The following XRN2 variants were observed in gnomAD, a reference collection of about 807,000 sequenced individuals.
The protein encoded by XRN2 is 5'-3' exoribonuclease 2.
XRN2 carries 44 observed loss-of-function variants against 138.5 expected under a neutral mutation model. The observed-to-expected ratio is 0.32, with a 90% confidence interval of 0.25 to 0.41. The LOEUF is 0.41. XRN2 is among the 10% of genes least tolerant of loss of function. The pLI is 1.00. For synonymous variants in XRN2, 354 were observed against 369.4 expected, an observed-to-expected ratio of 0.96 and a Z score of 0.48; for missense variants, 937 against 1,169.3, an observed-to-expected ratio of 0.80 and a Z score of 2.90.
At chr20:21,320,291 T>TATTTATTTATG in intron 1 of XRN2, among the ~76,000 whole-genome samples, 2 of 30,888 alleles carry the variant, frequency 6.5e-5, no homozygotes, top group Non-Finnish European at 1.7e-4. Context: ...ATTTATTTAT[T>TATTTATTTATG]TATGTATTTA....
At chr20:21,377,257 G>GTTTTTTTTTTTTTTTTTTTTTTTTTTTTT (rs1166479171) in intron 27 of XRN2, among the ~76,000 whole-genome samples, 1 of 30,312 alleles carries the variant, frequency 3.3e-5, no homozygotes, top group African/African-American at 1.9e-4. Context: ...TGATTTGTCG[G>GTTTTTTTTTTTTTTTTTTTTTTTTTTTTT]TTTTTTCTTT....
intron 27 of XRN2, among the ~76,000 whole-genome samples, chr20:21,372,516 C>T (rs1459149726): frequency 6.6e-6 from 1 of 152,022 alleles, no homozygotes; most frequent in African/African-American, 2.4e-5. Flanking sequence ...AACTACAGTA[C>T]ATGTTAATTG....
At position 21,343,884 on chromosome 20, in the gene XRN2, A is replaced by G. The variant is rs181210558; in HGVS notation, c.1411-206A>G. On this transcript the variant is annotated intron_variant, in intron 15 of 29. Transcript: ENST00000377191. ...TTAATTGTTTTTAGTTTAAGCATAGAAAGTTTGGGTATTACATTACTTCTT... is the reference window on the plus strand; with the variant it reads ...TTAATTGTTTTTAGTTTAAGCATAGGAAGTTTGGGTATTACATTACTTCTT... 7.4e-4 allele frequency among the ~76,000 whole-genome samples: 113 copies of G among 152,042 alleles called. 1 individual carries two copies. The highest frequency in any genetic ancestry group is 2.4e-3 in the African/African-American group (100 of 41,492).
intron 1 of XRN2, among the ~76,000 whole-genome samples, chr20:21,310,467 T>C (rs759235885): frequency 1.2e-4 from 19 of 152,240 alleles, no homozygotes; most frequent in Non-Finnish European, 2.4e-4. Flanking sequence ...TGGTTGTGTA[T>C]TTTGAAGCTC....
At chr20:21,379,214 G>A (rs777588547) in intron 27 of XRN2, among the ~76,000 whole-genome samples, 57 of 152,224 alleles carry the variant, frequency 3.7e-4, no homozygotes, top group Middle Eastern at 6.8e-3. Flanking sequence ...TTCCACTCTC[G>A]CCTGTACCTT....
Position 21,333,074 on chromosome 20 carries a change from A to T in XRN2, c.859-470A>T, listed in dbSNP as rs116586476. ...AAGACATCGTTAAGTGAAAAAAGAG[A>T]TAAATATAGTGTATTATTTCAGATA... is the stretch of plus-strand genomic sequence containing the variant. On this transcript the variant is annotated intron_variant, in intron 9 of 29. Coordinates refer to ENST00000377191, the MANE Select transcript of XRN2 (RefSeq NM_012255.5). 5.3e-3 allele frequency among the ~76,000 whole-genome samples: 809 copies of T among 152,300 alleles called. 8 individuals carry two copies. The highest frequency in any genetic ancestry group is 0.019 in the African/African-American group (778 of 41,560).
In XRN2 at chr20:21,377,264, C is replaced by CTTTTTTTTTTTTTTTTTTTTT. The variant is rs761622310; in HGVS notation, c.2585-4716_2585-4715insTTTTTTTTTTTTTTTTTTTTT. On this transcript the variant is annotated intron_variant, in intron 27 of 29. Coordinates refer to ENST00000377191, the MANE Select transcript of XRN2 (RefSeq NM_012255.5). The stretch of plus-strand genomic sequence containing the variant: ...CCAACATATGATTTGTCGGTTTTTT[C>CTTTTTTTTTTTTTTTTTTTTT]TTTTTTTTTTTTTTGGTCAGTCTTG... Among the ~76,000 whole-genome samples, 97 of 82,786 alleles carry CTTTTTTTTTTTTTTTTTTTTT rather than the reference C, an allele frequency of 1.2e-3. 17 individuals carry two copies. The highest frequency in any genetic ancestry group is 8.7e-3 in the East Asian group (16 of 1,844). The allele number at this position is 82,786 out of a possible 152,430, so 54.3% of individuals were successfully genotyped here.
At chr20:21,377,726 G>T (rs2038841546) in intron 27 of XRN2, among the ~76,000 whole-genome samples, 1 of 152,154 alleles carries the variant, frequency 6.6e-6, no homozygotes, top group African/African-American at 2.4e-5. Flanking sequence ...AAACACAAAA[G>T]GAAGAGAGAT....
At chr20:21,307,359 T>A (rs148360553) in intron 1 of XRN2, among the ~76,000 whole-genome samples, 3,200 of 76,172 alleles carry the variant, frequency 0.042, 1,291 homozygotes, top group Non-Finnish European at 0.071. Flanking sequence ...TCTTGACCTT[T>A]TTTTCTTCCC....
At chr20:21,363,740 C>G (rs1306281468) in intron 24 of XRN2, among the ~76,000 whole-genome samples, 2 of 152,148 alleles carry the variant, frequency 1.3e-5, no homozygotes, top group African/African-American at 4.8e-5. Context: ...AAATGTCAAC[C>G]AGGTCAATAA....
At chr20:21,363,198 C>G (rs140210179) in intron 24 of XRN2, among the ~76,000 whole-genome samples, 1 of 152,240 alleles carries the variant, frequency 6.6e-6, no homozygotes, top group Non-Finnish European at 1.5e-5. Flanking sequence ...TTTTCTGTGC[C>G]TGTTGTTGCA....
chr20:21,331,403 A>T (rs1365601989), intron 6 of XRN2, among the ~76,000 whole-genome samples, 158 bp from the exon 7 acceptor site: 2 of 117,404 alleles, frequency 1.7e-5, no homozygotes, highest in Non-Finnish European at 3.7e-5. Flanking sequence ...TGTTTTTCAC[A>T]CACACACACA....
chr20:21,319,396 G>C (rs548690490), intron 1 of XRN2, among the ~76,000 whole-genome samples: 1 of 152,150 alleles, frequency 6.6e-6, no homozygotes, highest in African/African-American at 2.4e-5. Flanking sequence ...ATTATTGATA[G>C]AGTTACATTT....
chr20:21,349,838 G>A (rs747676395), intron 20 of XRN2, among the ~76,000 whole-genome samples: 4 of 152,198 alleles, frequency 2.6e-5, no homozygotes, highest in Non-Finnish European at 5.9e-5. Flanking sequence ...CCTGGGATTA[G>A]CAATGATTAA....
chr20:21,351,045 T>C (rs1324609971), intron 20 of XRN2, among the ~76,000 whole-genome samples: 2 of 152,198 alleles, frequency 1.3e-5, no homozygotes, highest in Admixed American at 6.5e-5. Flanking sequence ...GAAGCAAATA[T>C]ATTTTTGTGT....
chr20:21,356,887 C>T lies in XRN2; in HGVS notation c.2198+222C>T, dbSNP rs375592802. On this transcript the variant is annotated intron_variant, in intron 23 of 29. Coordinates refer to ENST00000377191, the MANE Select transcript of XRN2 (RefSeq NM_012255.5). ...CTCTGGGAGTCCCTTTCAGGATATTCTGAAGGTTAAAACTCTTTTCATAAT... is the reference window on the plus strand; with the variant it reads ...CTCTGGGAGTCCCTTTCAGGATATTTTGAAGGTTAAAACTCTTTTCATAAT... 1.7e-3 allele frequency among the ~76,000 whole-genome samples: 253 copies of T among 152,280 alleles called. 1 individual carries two copies. The highest frequency in any genetic ancestry group is 5.9e-3 in the African/African-American group (246 of 41,570).
intron 27 of XRN2, among the ~76,000 whole-genome samples, chr20:21,378,452 CAT>C: frequency 6.6e-6 from 1 of 152,228 alleles, no homozygotes; most frequent in East Asian, 1.9e-4. Context: ...GTTACGGGGA[CAT>C]AGCCCCTGGC....
At chr20:21,363,074 C>T (rs1019826051) in intron 24 of XRN2, among the ~76,000 whole-genome samples, 1 of 152,052 alleles carries the variant, frequency 6.6e-6, no homozygotes, top group Non-Finnish European at 1.5e-5. Flanking sequence ...TGATGTTTTC[C>T]TTGGTCCTCA....
chr20:21,330,197 C>T lies in XRN2; in HGVS notation c.428-284C>T, dbSNP rs189882574. The stretch of plus-strand genomic sequence containing the variant: ...TCTCAGGAGGCTGAGACAGGAGAAT[C>T]GCTTGAACCCCGGAAGGCGGAGGTT... On this transcript the variant is annotated intron_variant, in intron 4 of 29. Transcript: ENST00000377191. Among the ~76,000 whole-genome samples, 80 of 152,184 alleles carry T rather than the reference C, an allele frequency of 5.3e-4. No homozygotes were observed. In the Middle Eastern group the frequency reaches 0.014, roughly 26 times the overall value.
Sources: allele counts gnomAD v4.1 joint callset (sites outside exome capture counted in the v4.1 genomes callset), GRCh38; gene constraint gnomAD v4.1.1; transcripts MANE v1.5; gene names NCBI Gene and HGNC (gene_info 2026-07-23, HGNC 2026-07-21).